The following LTC4S variants were observed in gnomAD, a reference collection of about 807,000 sequenced individuals.
LTC4S encodes leukotriene C4 synthase.
LTC4S carries 18 observed loss-of-function variants against 19.6 expected under a neutral mutation model. The ratio of observed to expected loss-of-function variants is 0.92; its 90% CI spans 0.64 to 1.36. The LOEUF is 1.36. LTC4S is among the 40% of genes most tolerant of loss of function. LTC4S has a pLI of 0.00. For synonymous variants in LTC4S, 126 were observed against 110.1 expected (o/e 1.14, Z -0.91); for missense variants, 235 against 212.2 (o/e 1.11, Z -0.67).
In LTC4S at chr5:179,795,562, C is replaced by T. The variant is rs982541534; in HGVS notation, c.59-22C>T. 3 of 1,597,396 alleles carry T rather than the reference C, an allele frequency of 1.9e-6. No homozygotes were observed. In the African/African-American group the frequency reaches 4.0e-5, roughly 22 times the overall value. On this transcript the variant is annotated intron_variant, in intron 1 of 4. Coordinates refer to ENST00000292596, the MANE Select transcript of LTC4S (RefSeq NM_145867.2). Reference sequence around the variant, plus strand: ...GGGCTTCGGGTGTCCAGACCTGACTCCCGCTCCCCCTCCTCCCCCAGCCTA... The same window carrying T: ...GGGCTTCGGGTGTCCAGACCTGACTTCCGCTCCCCCTCCTCCCCCAGCCTA...
chr5:179,796,277 G>A lies in LTC4S; in HGVS notation c.336G>A (p.Ala112=). The A allele has an allele frequency of 1.4e-6, 2 of 1,468,938 alleles. No individual in the cohort carries two copies. Among genetic ancestry groups the A allele is most frequent in the Middle Eastern group, 2.4e-4 (1 of 4,182 alleles). 91.0% of individuals were successfully genotyped at this position (1,468,938 alleles called of 1,614,324 possible). Residue 112 remains alanine, a synonymous_variant, in exon 5 of 5, where the codon GCG becomes GCA. Transcript: ENST00000292596. Reference sequence around the variant, plus strand: ...GGCTGGCACCGCTGTACGCGAGCGCGCGCGCCCTCTGGCTGCTGGTGGCGC... The same window carrying A: ...GGCTGGCACCGCTGTACGCGAGCGCACGCGCCCTCTGGCTGCTGGTGGCGC... ...QLRLAPLYAS[A]RALWLLVALA... is the part of the protein sequence containing the mutation.
In LTC4S at chr5:179,793,998, G is replaced by C; in HGVS notation, c.-83G>C. 6.2e-7 allele frequency: 1 copy of C among 1,606,410 alleles called. No individual in the cohort carries two copies. Among genetic ancestry groups the C allele is most frequent in the Non-Finnish European group, 8.5e-7 (1 of 1,176,510 alleles). ...CACCGAGGCTGCTCTTCCTCTCCTG[G>C]GCCGTCCTCTGAGCAGCAGACGGGG... On this transcript the variant is annotated 5_prime_UTR_variant, in exon 1 of 5. Coordinates refer to ENST00000292596, the MANE Select transcript of LTC4S (RefSeq NM_145867.2).
At position 179,795,957 on chromosome 5, in the gene LTC4S, C is replaced by T. The variant is rs774378612; in HGVS notation, c.246C>T (p.Cys82=). The change falls in exon 4 of 5, where the codon TGC becomes TGT. Residue 82 remains cysteine, a synonymous_variant. Coordinates refer to ENST00000292596, the MANE Select transcript of LTC4S (RefSeq NM_145867.2). The part of the protein sequence containing the change: ...IFFHEGAAAL[C]GLVYLFARLR... Reference sequence around the variant, plus strand: ...CTCTCGCAGGGGCGGCGGCCCTGTGCGGCCTGGTCTACCTGTTCGCGCGCC... The same window carrying T: ...CTCTCGCAGGGGCGGCGGCCCTGTGTGGCCTGGTCTACCTGTTCGCGCGCC... 3.2e-6 allele frequency: 5 copies of T among 1,553,628 alleles called. No individual in the cohort carries two copies. The highest frequency in any genetic ancestry group is 1.2e-5 in the South Asian group (1 of 86,504).
In LTC4S at chr5:179,794,295, G is replaced by A. The variant is rs28365146; in HGVS notation, c.58+157G>A. Among the ~76,000 whole-genome samples the A allele has an allele frequency of 9.4e-3, 1,427 of 152,296 alleles. 10 individuals are homozygous for A. The highest frequency in any genetic ancestry group is 0.014 in the Non-Finnish European group (967 of 68,008). On this transcript the variant is annotated intron_variant, in intron 1 of 4. Transcript: ENST00000292596. ...TCAGGGAACTGGGGGGCACCTGGCT[G>A]TGAGAGCTGTAGGACTTGGGGGTGG... is the stretch of plus-strand genomic sequence containing the variant.
rs11541078 is a variant in LTC4S at position 179,796,366 on chromosome 5, G to A, written c.425G>A (p.Arg142Gln). The change falls in exon 5 of 5, where the codon CGG (arginine) becomes CAG (glutamine). Residue 142 changes from arginine to glutamine, a missense_variant. Arg to Gln is a conservative substitution (Grantham distance 43). Transcript: ENST00000292596. Reference sequence around the variant, plus strand: ...GCGCTGCGCGCCGCGCTCCTCGGACGGCTCCGGACGCTGCTGCCGTGGGCC... The same window carrying A: ...GCGCTGCGCGCCGCGCTCCTCGGACAGCTCCGGACGCTGCTGCCGTGGGCC... ...PAALRAALLGRLRTLLPWA is the reference protein window; with the variant it reads ...PAALRAALLGQLRTLLPWA 6.7e-7 allele frequency: 1 copy of A among 1,492,272 alleles called. No homozygotes were observed. Among genetic ancestry groups the A allele is most frequent in the Admixed American group, 2.2e-5 (1 of 45,470 alleles). The allele number at this position is 1,492,272 out of a possible 1,614,324, so 92.4% of individuals were successfully genotyped here.
chr5:179,796,023 G>GTC lies in LTC4S; in HGVS notation c.311+2_311+3insCT. ...GCTACGCGCGCTCCGCGCAGCTCAG[G>GTC]TGAGGGCCGGGCGGGGAGCGGGGCG... On this transcript the variant is annotated splice_donor_variant, in intron 4 of 4. Coordinates refer to ENST00000292596, the MANE Select transcript of LTC4S (RefSeq NM_145867.2). LOFTEE classifies it high-confidence loss of function. 1 of 1,522,270 alleles carries GTC rather than the reference G, an allele frequency of 6.6e-7. No individual in the cohort carries two copies. Among genetic ancestry groups the GTC allele is most frequent in the Non-Finnish European group, 8.8e-7 (1 of 1,141,514 alleles). The allele number at this position is 1,522,270 out of a possible 1,614,324, so 94.3% of individuals were successfully genotyped here. A position where few individuals can be genotyped will look rare whatever the true frequency, so the allele number is the denominator to read the frequency against.
chr5:179,795,731 G>A, intron 2 of LTC4S, 48 bp downstream of exon 2: 1 of 1,565,340 alleles, frequency 6.4e-7, no homozygotes, highest in Non-Finnish European at 8.6e-7. Context: ...CCCCAGGCGG[G>A]TCCGGGTCGC....
At position 179,796,350 on chromosome 5, in the gene LTC4S, G is replaced by GT; in HGVS notation, c.409_410insT (p.Ala137ValfsTer49). On this transcript the variant is annotated frameshift_variant, in exon 5 of 5. Transcript: ENST00000292596. LOFTEE classifies it high-confidence loss of function. ...CCACTTCCTCCCGGCCGCGCTGCGCGCCGCGCTCCTCGGACGGCTCCGGAC... is the reference window on the plus strand; with the variant it reads ...CCACTTCCTCCCGGCCGCGCTGCGCGTCCGCGCTCCTCGGACGGCTCCGGAC... The GT allele has an allele frequency of 6.7e-7, 1 of 1,490,598 alleles. No individual in the cohort carries two copies. The highest frequency in any genetic ancestry group is 2.8e-5 in the East Asian group (1 of 35,620). The allele number at this position is 1,490,598 out of a possible 1,614,324, so 92.3% of individuals were successfully genotyped here. A position where few individuals can be genotyped will look rare whatever the true frequency, so the allele number is the denominator to read the frequency against.
intron 2 of LTC4S, 38 bp from the exon 3 acceptor site, chr5:179,795,748 A>G (rs757983312): frequency 6.6e-5 from 104 of 1,567,194 alleles, no homozygotes; most frequent in Non-Finnish European, 8.2e-5. Context: ...TCGCAGGACC[A>G]TCCCGGCCGG....
At position 179,794,069 on chromosome 5, in the gene LTC4S, A is replaced by G. The variant is rs746870334; in HGVS notation, c.-12A>G. 1.9e-6 allele frequency: 3 copies of G among 1,613,560 alleles called. No individual in the cohort carries two copies. The East Asian group carries it at 6.7e-5, about 36-fold the overall frequency. On this transcript the variant is annotated 5_prime_UTR_variant, in exon 1 of 5. Coordinates refer to ENST00000292596, the MANE Select transcript of LTC4S (RefSeq NM_145867.2). ...CTTCACACACAGCCCGTGCCACCAC[A>G]CCGACGGTACCATGAAGGACGAGGT...
chr5:179,795,295 G>C, intron 1 of LTC4S: 1 of 1,076,470 alleles, frequency 9.3e-7, no homozygotes, highest in Admixed American at 3.8e-5. Context: ...TCGCGGAGCA[G>C]GTGTCCCTGT....
At chr5:179,795,481 G>A (rs551985667) in intron 1 of LTC4S, 103 bp from the exon 2 acceptor site, 10 of 1,527,084 alleles carry the variant, frequency 6.5e-6, no homozygotes, top group Non-Finnish European at 7.9e-6. Flanking sequence ...TTAGGGAGGA[G>A]AGGACACGGC....
At chr5:179,795,407 A>G (rs1756571280) in intron 1 of LTC4S, 177 bp from the exon 2 acceptor site, 1 of 1,447,264 alleles carries the variant, frequency 6.9e-7, no homozygotes, top group African/African-American at 1.4e-5. Context: ...TCAGGGACAC[A>G]GGGCAGGCCA....
rs948407372 is a variant in LTC4S at position 179,796,507 on chromosome 5, C to G, written c.*113C>G. On this transcript the variant is annotated 3_prime_UTR_variant, in exon 5 of 5. Coordinates refer to ENST00000292596, the MANE Select transcript of LTC4S (RefSeq NM_145867.2). ...GTCTCTATCATTAAAGTTCTAGTGA[C>G]CGAGACCCGGGCTGCGTTCTCTGGG... is the stretch of plus-strand genomic sequence containing the variant. 1.5e-6 allele frequency: 2 copies of G among 1,326,424 alleles called. No individual in the cohort carries two copies. Among genetic ancestry groups the G allele is most frequent in the African/African-American group, 3.1e-5 (2 of 64,318 alleles). The allele number at this position is 1,326,424 out of a possible 1,614,324, so 82.2% of individuals were successfully genotyped here.
chr5:179,796,108 C>T (rs1756613428), intron 4 of LTC4S, 86 bp downstream of exon 4: 8 of 1,299,830 alleles, frequency 6.2e-6, no homozygotes, highest in African/African-American at 1.6e-5. Context: ...AAGCTGGGGG[C>T]GGGCGACGGG....
Position 179,796,313 on chromosome 5 carries a change from C to G in LTC4S, c.372C>G (p.Leu124=). 6 of 1,483,010 alleles carry G rather than the reference C, an allele frequency of 4.0e-6. No homozygotes were observed. The highest frequency in any genetic ancestry group is 4.4e-6 in the Non-Finnish European group (5 of 1,124,224). 91.9% of individuals were successfully genotyped at this position (1,483,010 alleles called of 1,614,324 possible). Residue 124 remains leucine (L), a synonymous_variant, in exon 5 of 5, where the codon CTC becomes CTG. Transcript: ENST00000292596. The part of the protein sequence containing the change: ...ALWLLVALAA[L]GLLAHFLPAA... ...GGCTGCTGGTGGCGCTGGCTGCGCT[C>G]GGCCTGCTCGCCCACTTCCTCCCGG...
chr5:179,795,512 A>G, intron 1 of LTC4S, 72 bp from the exon 2 acceptor site: 2 of 1,540,846 alleles, frequency 1.3e-6, no homozygotes, highest in East Asian at 4.9e-5. Flanking sequence ...GCCAGATTGC[A>G]GGATCCCTCC....
chr5:179,795,257 T>G (rs919880140), intron 1 of LTC4S: 6 of 649,942 alleles, frequency 9.2e-6, no homozygotes, highest in Admixed American at 4.4e-5. Context: ...GTGAAATGAT[T>G]CAGAAACAAG....
chr5:179,795,881 C>A, intron 3 of LTC4S, 25 bp downstream of exon 3: 2 of 1,600,488 alleles, frequency 1.2e-6, no homozygotes, highest in Non-Finnish European at 1.7e-6. Flanking sequence ...CAGGGGCGCA[C>A]GCGCTGGACC....
Sources: allele counts gnomAD v4.1 joint callset (sites outside exome capture counted in the v4.1 genomes callset), GRCh38; gene constraint gnomAD v4.1.1; transcripts MANE v1.5; gene names NCBI Gene and HGNC (gene_info 2026-07-23, HGNC 2026-07-21).